The following GRIK1 variants were observed in gnomAD, a reference collection of about 807,000 sequenced individuals.
GRIK1 encodes glutamate ionotropic receptor kainate type subunit 1.
A neutral mutation model predicts 105.7 loss-of-function variants in GRIK1; 69 were observed. The observed-to-expected ratio is 0.65, with a 90% confidence interval of 0.54 to 0.80. GRIK1 has a LOEUF of 0.80. GRIK1 is among the 30% of genes least tolerant of loss of function. The probability of loss-of-function intolerance (pLI) is 0.00; values close to 1 mark genes in which losing one functional copy is unlikely to be tolerated. For synonymous variants in GRIK1, 438 were observed against 431.3 expected (o/e 1.02, Z -0.19); for missense variants, 1,109 against 1,167.3 (o/e 0.95, Z 0.73).
At chr21:29,629,217 T>TGTGTGTGTGTGG (rs1555853096) in intron 7 of GRIK1, among the ~76,000 whole-genome samples, 3,032 of 148,906 alleles carry the variant, frequency 0.02, 95 homozygotes, top group African/African-American at 0.073. Flanking sequence ...TGTGTGTGTG[T>TGTGTGTGTGTGG]GTGTGTGTGT....
chr21:29,639,039 G>A (rs2062455156), intron 7 of GRIK1, among the ~76,000 whole-genome samples: 1 of 152,146 alleles, frequency 6.6e-6, no homozygotes, highest in Admixed American at 6.5e-5. Flanking sequence ...AAATAGGTTG[G>A]TCTTTCCCTA....
chr21:29,888,188 T>TCTTTCTTTCTTTCTTTCTTTCTTTCTTC lies in GRIK1; in HGVS notation c.118+51194_118+51195insGAAGAAAGAAAGAAAGAAAGAAAGAAAG, dbSNP rs1337456935. The stretch of plus-strand genomic sequence containing the variant: ...TTCTTTCTTTCTTTCTTTCTTCCTT[T>TCTTTCTTTCTTTCTTTCTTTCTTTCTTC]CTTTCTTTCTCTCTCTCTCTCTCTC... On this transcript the variant is annotated intron_variant, in intron 1 of 17. Coordinates refer to ENST00000327783, the MANE Select transcript of GRIK1 (RefSeq NM_001330994.2). 4.9e-4 allele frequency among the ~76,000 whole-genome samples: 7 copies of TCTTTCTTTCTTTCTTTCTTTCTTTCTTC among 14,254 alleles called. 2 individuals carry two copies. The highest frequency in any genetic ancestry group is 2.0e-3 in the Non-Finnish European group (7 of 3,508). 9.4% of individuals were successfully genotyped at this position (14,254 alleles called of 152,430 possible).
At chr21:29,833,835 C>T (rs1344130849) in intron 1 of GRIK1, among the ~76,000 whole-genome samples, 1 of 152,136 alleles carries the variant, frequency 6.6e-6, no homozygotes, top group Non-Finnish European at 1.5e-5. Flanking sequence ...ACACCACTCC[C>T]CTTGGAAACC....
At chr21:29,890,853 A>C (rs1339293895) in intron 1 of GRIK1, among the ~76,000 whole-genome samples, 1 of 152,162 alleles carries the variant, frequency 6.6e-6, no homozygotes, top group Non-Finnish European at 1.5e-5. Context: ...AAAGTTGGAG[A>C]TAAACAGAGC....
intron 1 of GRIK1, among the ~76,000 whole-genome samples, chr21:29,802,503 C>T (rs186099918): frequency 3.0e-4 from 45 of 152,234 alleles, no homozygotes; most frequent in African/African-American, 1.1e-3. Context: ...TCCTGCCCAG[C>T]AAACTGTTGC....
At chr21:29,666,071 A>G (rs904307192) in intron 4 of GRIK1, among the ~76,000 whole-genome samples, 3 of 152,286 alleles carry the variant, frequency 2.0e-5, no homozygotes, top group Admixed American at 2.0e-4. Flanking sequence ...TATATAAAAA[A>G]CCTGCACATG....
At chr21:29,666,470 A>C (rs2146619628) in intron 4 of GRIK1, among the ~76,000 whole-genome samples, 1 of 152,294 alleles carries the variant, frequency 6.6e-6, no homozygotes, top group Middle Eastern at 3.4e-3. Flanking sequence ...GTATTAGGCC[A>C]ATTTGCAAGC....
At chr21:29,873,406 C>G (rs2069086770) in intron 1 of GRIK1, among the ~76,000 whole-genome samples, 1 of 152,198 alleles carries the variant, frequency 6.6e-6, no homozygotes, top group African/African-American at 2.4e-5. Context: ...CAGATCTCTG[C>G]TTTGACACTT....
At chr21:29,693,760 C>T in intron 2 of GRIK1, 136 bp downstream of exon 2, 2 of 659,374 alleles carry the variant, frequency 3.0e-6, no homozygotes, top group South Asian at 1.9e-5. Flanking sequence ...TGATCAGTGA[C>T]ATCGAAGACC....
intron 1 of GRIK1, among the ~76,000 whole-genome samples, chr21:29,900,081 C>T (rs1194358274): frequency 6.3e-4 from 11 of 17,374 alleles, no homozygotes; most frequent in African/African-American, 2.1e-3. Context: ...GAGACTCTGT[C>T]TCAAAAAAAA....
intron 1 of GRIK1, among the ~76,000 whole-genome samples, chr21:29,916,197 A>G (rs1343489871): frequency 6.6e-6 from 1 of 151,954 alleles, no homozygotes; most frequent in Admixed American, 6.6e-5. Context: ...CAGAAAAGTA[A>G]TGTTCAAGAT....
intron 7 of GRIK1, among the ~76,000 whole-genome samples, chr21:29,639,433 C>T (rs2062464800): frequency 6.6e-6 from 1 of 152,124 alleles, no homozygotes. Context: ...CAGATAGGAG[C>T]TAGTGCTTGA....
At chr21:29,596,461 G>T (rs1383292575) in intron 9 of GRIK1, 65 bp downstream of exon 9, 1 of 1,034,352 alleles carries the variant, frequency 9.7e-7, no homozygotes. Flanking sequence ...GAAGGGCACA[G>T]GCCTTTCCAA....
intron 1 of GRIK1, among the ~76,000 whole-genome samples, chr21:29,918,507 A>C (rs970063594): frequency 6.6e-6 from 1 of 152,100 alleles, no homozygotes; most frequent in Non-Finnish European, 1.5e-5. Flanking sequence ...GAATATTTCA[A>C]TATTCACCAG....
intron 16 of GRIK1, among the ~76,000 whole-genome samples, chr21:29,538,348 A>C (rs1039293743): frequency 2.0e-5 from 3 of 152,192 alleles, no homozygotes; most frequent in African/African-American, 7.2e-5. Flanking sequence ...TTCCACTTAT[A>C]TGAAACATCT....
At chr21:29,899,359 T>C (rs1309175016) in intron 1 of GRIK1, among the ~76,000 whole-genome samples, 1 of 152,234 alleles carries the variant, frequency 6.6e-6, no homozygotes, top group Non-Finnish European at 1.5e-5. Flanking sequence ...TAAGCTTGGC[T>C]ATTATTGCTG....
At chr21:29,803,259 A>G (rs969302190) in intron 1 of GRIK1, among the ~76,000 whole-genome samples, 1 of 152,202 alleles carries the variant, frequency 6.6e-6, no homozygotes, top group Non-Finnish European at 1.5e-5. Context: ...AAATGCAAAA[A>G]AAGCATTTTA....
chr21:29,580,045 G>A (rs1180647432), intron 13 of GRIK1, among the ~76,000 whole-genome samples: 4 of 141,988 alleles, frequency 2.8e-5, no homozygotes, highest in East Asian at 2.0e-4. Context: ...GTGTATATAT[G>A]TATATATGTA....
rs371307626 is a variant in GRIK1 at position 29,747,126 on chromosome 21, A to G, written c.119-53063T>C. On this transcript the variant is annotated intron_variant, in intron 1 of 17. Coordinates refer to ENST00000327783, the MANE Select transcript of GRIK1 (RefSeq NM_001330994.2). ...CCAAACAAATAATAAATAAAAGTAGAGAATCACAGTTACCTTAAATAGACA... is the reference window on the plus strand; with the variant it reads ...CCAAACAAATAATAAATAAAAGTAGGGAATCACAGTTACCTTAAATAGACA... 6.6e-5 allele frequency among the ~76,000 whole-genome samples: 10 copies of G among 152,358 alleles called. No homozygotes were observed. In the South Asian group the frequency reaches 1.0e-3, roughly 16 times the overall value.
Sources: allele counts gnomAD v4.1 joint callset (sites outside exome capture counted in the v4.1 genomes callset), GRCh38; gene constraint gnomAD v4.1.1; transcripts MANE v1.5; gene names NCBI Gene and HGNC (gene_info 2026-07-23, HGNC 2026-07-21).